Variants in STAG1 observed in about 807,000 individuals in gnomAD.
STAG1 encodes the protein STAG1 cohesin complex component, also known as cohesin subunit SA-1.
STAG1 carries 26 observed loss-of-function variants against 170.9 expected under a neutral mutation model. The ratio of observed to expected loss-of-function variants is 0.15; its 90% CI spans 0.11 to 0.21. STAG1 has a LOEUF of 0.21. Ranked by LOEUF, STAG1 falls within the 10% of genes least tolerant of loss-of-function variation. The pLI is 1.00. For synonymous variants in STAG1, 514 were observed against 497.7 expected (o/e 1.03, Z -0.44); for missense variants, 964 against 1,509.5 (o/e 0.64, Z 5.99).
intron 4 of STAG1, among the ~76,000 whole-genome samples, chr3:136,594,500 T>C (rs547462625): frequency 2.0e-5 from 3 of 152,286 alleles, no homozygotes; most frequent in African/African-American, 7.2e-5. Flanking sequence ...GAAGACCAAA[T>C]TGTCTCACTA....
intron 14 of STAG1, among the ~76,000 whole-genome samples, chr3:136,444,003 T>C (rs1019547298): frequency 1.3e-5 from 2 of 152,108 alleles, no homozygotes; most frequent in African/African-American, 2.4e-5. Flanking sequence ...TAAACAAACA[T>C]AGTTAAGGTC....
rs1326423155 is a variant in STAG1, at chr3:136,481,043, C to T, written c.903-3631G>A. 3.0e-5 allele frequency among the ~76,000 whole-genome samples: 3 copies of T among 99,818 alleles called. No individual in the cohort carries two copies. In the Admixed American group the frequency reaches 3.6e-4, roughly 12 times the overall value. 65.5% of individuals were successfully genotyped at this position (99,818 alleles called of 152,430 possible). A position where few individuals can be genotyped will look rare whatever the true frequency, so the allele number is the denominator to read the frequency against. ...TCTGCAAACAGGGACAATTTGACTTCCTCTTTTCCTAATTGAATACCCTTT... is the reference window on the plus strand; with the variant it reads ...TCTGCAAACAGGGACAATTTGACTTTCTCTTTTCCTAATTGAATACCCTTT... On this transcript the variant is annotated intron_variant, in intron 9 of 33. Transcript: ENST00000383202.
At chr3:136,612,174 T>A (rs763485065) in intron 3 of STAG1, among the ~76,000 whole-genome samples, 68 of 152,328 alleles carry the variant, frequency 4.5e-4, no homozygotes, top group Admixed American at 2.1e-3. Flanking sequence ...TATGGCTATA[T>A]GTTCGGATTC....
chr3:136,722,880 G>A (rs1159036995), intron 1 of STAG1, among the ~76,000 whole-genome samples: 1 of 152,210 alleles, frequency 6.6e-6, no homozygotes, highest in Non-Finnish European at 1.5e-5. Flanking sequence ...TTTTGGTGGA[G>A]ACGGGGTTTC....
chr3:136,731,892 A>C (rs1444274575), intron 1 of STAG1, among the ~76,000 whole-genome samples: 1 of 152,210 alleles, frequency 6.6e-6, no homozygotes, highest in Non-Finnish European at 1.5e-5. Flanking sequence ...GAAAGCATAA[A>C]TTATTCCAAT....
chr3:136,438,999 C>G (rs1369021865), intron 15 of STAG1, among the ~76,000 whole-genome samples: 2 of 151,438 alleles, frequency 1.3e-5, no homozygotes, highest in Non-Finnish European at 2.9e-5. Flanking sequence ...TAGTTCGAGA[C>G]CAGCCTGGCC....
intron 9 of STAG1, chr3:136,499,658 C>T (rs1933359997): frequency 6.6e-6 from 1 of 152,280 alleles, no homozygotes; most frequent in African/African-American, 2.4e-5. Context: ...CTGGGCTTCA[C>T]AGAAAGACAA....
chr3:136,736,027 T>C (rs1934314865), intron 1 of STAG1, among the ~76,000 whole-genome samples: 1 of 152,214 alleles, frequency 6.6e-6, no homozygotes, highest in African/African-American at 2.4e-5. Flanking sequence ...CCCTGTTTCA[T>C]CTGGGCCTTC....
chr3:136,641,272 T>C (rs564553973), intron 1 of STAG1, among the ~76,000 whole-genome samples: 1 of 152,280 alleles, frequency 6.6e-6, no homozygotes, highest in Admixed American at 6.5e-5. Context: ...TGAATACTAA[T>C]GGGCAAAAGT....
In STAG1 at chr3:136,659,146, G is replaced by A. The variant is rs572277549; in HGVS notation, c.-83-28165C>T. ...CTTCAGAGAATAGAGCACAGAACGC[G>A]AGTGATAGCTGTGAAAGTGTTTCTT... On this transcript the variant is annotated intron_variant, in intron 1 of 33. Coordinates refer to ENST00000383202, the MANE Select transcript of STAG1 (RefSeq NM_005862.3). Among the ~76,000 whole-genome samples the A allele has an allele frequency of 2.6e-4, 39 of 152,276 alleles. No individual in the cohort carries two copies. In the South Asian group the frequency reaches 7.2e-3, roughly 28 times the overall value.
intron 1 of STAG1, among the ~76,000 whole-genome samples, chr3:136,720,082 A>G (rs1933143354): frequency 6.6e-6 from 1 of 151,574 alleles, no homozygotes; most frequent in Admixed American, 6.6e-5. Context: ...AGGCTGAGGT[A>G]GGAGAATCGC....
intron 22 of STAG1, among the ~76,000 whole-genome samples, chr3:136,390,922 G>A (rs2086992138): frequency 6.6e-6 from 1 of 152,208 alleles, no homozygotes; most frequent in African/African-American, 2.4e-5. Context: ...ATGCATGTTT[G>A]TGGGAAGGAC....
intron 1 of STAG1, among the ~76,000 whole-genome samples, chr3:136,741,436 A>G (rs935569093): frequency 2.0e-5 from 3 of 152,218 alleles, no homozygotes; most frequent in Non-Finnish European, 2.9e-5. Context: ...AATGATTATT[A>G]TAACTGAAAG....
intron 4 of STAG1, among the ~76,000 whole-genome samples, chr3:136,589,523 A>T (rs1938036065): frequency 6.6e-6 from 1 of 151,334 alleles, no homozygotes; most frequent in South Asian, 2.1e-4. Flanking sequence ...AACAAACAAA[A>T]AACAAAAAAT....
At chr3:136,728,768 T>C (rs1211433183) in intron 1 of STAG1, among the ~76,000 whole-genome samples, 1 of 152,224 alleles carries the variant, frequency 6.6e-6, no homozygotes, top group African/African-American at 2.4e-5. Flanking sequence ...CAGCACTATA[T>C]CAAACTATAG....
intron 21 of STAG1, among the ~76,000 whole-genome samples, chr3:136,402,409 G>A (rs2087354635): frequency 6.6e-6 from 1 of 151,596 alleles, no homozygotes; most frequent in Admixed American, 6.6e-5. Context: ...GTAGAGATGG[G>A]GTTTCACTAT....
chr3:136,478,559 T>C (rs1397510125), intron 9 of STAG1, among the ~76,000 whole-genome samples: 3 of 152,234 alleles, frequency 2.0e-5, no homozygotes, highest in Non-Finnish European at 2.9e-5. Flanking sequence ...TAATTTTTAA[T>C]TATCCAATTT....
chr3:136,568,243 T>A (rs964075463), intron 5 of STAG1, among the ~76,000 whole-genome samples: 2 of 152,162 alleles, frequency 1.3e-5, no homozygotes, highest in Admixed American at 6.5e-5. Flanking sequence ...AAGAAAAAGA[T>A]CTAGCAGTTA....
At chr3:136,726,647 G>C (rs1933705136) in intron 1 of STAG1, among the ~76,000 whole-genome samples, 1 of 152,168 alleles carries the variant, frequency 6.6e-6, no homozygotes, top group South Asian at 2.1e-4. Context: ...TGGTCTCAAA[G>C]TCCTGGCCTC....
Sources: allele counts gnomAD v4.1 joint callset (sites outside exome capture counted in the v4.1 genomes callset), GRCh38; gene constraint gnomAD v4.1.1; transcripts MANE v1.5; gene names NCBI Gene and HGNC (gene_info 2026-07-23, HGNC 2026-07-21).